Variants in RRP1B observed in about 807,000 individuals in gnomAD.
RRP1B encodes ribosomal RNA processing protein 1 homolog B.
In RRP1B, 56 loss-of-function variants were observed where a neutral mutation model predicts 80.2. The ratio of observed to expected loss-of-function variants is 0.70; its 90% CI spans 0.56 to 0.87. The LOEUF is 0.87. Among genes scored for constraint, RRP1B ranks in the 40% least tolerant of loss-of-function variants. RRP1B has a pLI of 0.00. For missense variants in RRP1B, 807 were observed against 939.8 expected (o/e 0.86, Z 1.85); for synonymous variants, 351 against 357.6 (o/e 0.98, Z 0.21).
rs886728506 is a variant in RRP1B at position 43,694,690 on chromosome 21, C to G, written c.*1307C>G. The G allele has an allele frequency of 1.3e-5, 2 of 152,372 alleles. No individual in the cohort carries two copies. The highest frequency in any genetic ancestry group is 4.8e-5 in the African/African-American group (2 of 41,466). The allele number at this position is 152,372 out of a possible 1,614,324, so 9.4% of individuals were successfully genotyped here. On this transcript the variant is annotated 3_prime_UTR_variant, in exon 16 of 16. Coordinates refer to ENST00000340648, the MANE Select transcript of RRP1B (RefSeq NM_015056.3). ...AGCCGCCTCCTTCCCGTTATGCCCC[C>G]CATACAGGAGCCTCGGTTTTTCAGC...
intron 8 of RRP1B, among the ~76,000 whole-genome samples, chr21:43,682,682 C>A (rs1379117771): frequency 6.6e-6 from 1 of 152,228 alleles, no homozygotes; most frequent in Admixed American, 6.5e-5. Context: ...TGCACCGCAG[C>A]CTTCGTCCTA....
At position 43,691,731 on chromosome 21, in the gene RRP1B, C is replaced by G. The variant is rs1293248293; in HGVS notation, c.2083+229C>G. 6.6e-6 allele frequency among the ~76,000 whole-genome samples: 1 copy of G among 152,022 alleles called. No homozygotes were observed. The highest frequency in any genetic ancestry group is 1.5e-5 in the Non-Finnish European group (1 of 68,000). ...TTGGCTCACTGCAACCTCCGCCCCC[C>G]CAGGTTCAAGCGATTCTCCTGCCTC... On this transcript the variant is annotated intron_variant, in intron 15 of 15. Transcript: ENST00000340648. The surrounding 1 kb of genome is among the most constrained non-coding windows in gnomAD (Gnocchi z 4.2).
At chr21:43,679,430 A>G (rs12329926) in intron 8 of RRP1B, among the ~76,000 whole-genome samples, 14,160 of 151,764 alleles carry the variant, frequency 0.093, 2,203 homozygotes, top group African/African-American at 0.32. Context: ...CACCACGCCC[A>G]GCTAATATGT....
intron 8 of RRP1B, among the ~76,000 whole-genome samples, chr21:43,679,856 C>T (rs1229697817): frequency 1.3e-5 from 2 of 152,206 alleles, no homozygotes; most frequent in Non-Finnish European, 2.9e-5. Flanking sequence ...AGATCTTTCA[C>T]ATCCTTGGTT....
chr21:43,670,005 C>A (rs1466145695), intron 2 of RRP1B, 39 bp downstream of exon 2: 7 of 1,446,780 alleles, frequency 4.8e-6, no homozygotes, highest in Admixed American at 3.6e-5. Flanking sequence ...CGGGTTCTTG[C>A]TGTGGATGGA....
chr21:43,662,657 G>A (rs1044822492), intron 1 of RRP1B, among the ~76,000 whole-genome samples: 4 of 152,144 alleles, frequency 2.6e-5, no homozygotes, highest in Non-Finnish European at 5.9e-5. Context: ...ACAGTGTTGC[G>A]CTCTTGCTTT....
At chr21:43,668,733 G>T (rs2082988269) in intron 1 of RRP1B, among the ~76,000 whole-genome samples, 1 of 152,116 alleles carries the variant, frequency 6.6e-6, no homozygotes, top group Admixed American at 6.5e-5. Flanking sequence ...ATATTTGTTT[G>T]CATTCATCTA....
At position 43,676,923 on chromosome 21, in the gene RRP1B, A is replaced by G. The variant is rs779768409; in HGVS notation, c.796+9A>G. The G allele has an allele frequency of 1.9e-6, 3 of 1,613,286 alleles. No individual in the cohort carries two copies. Among genetic ancestry groups the G allele is most frequent in the Non-Finnish European group, 2.5e-6 (3 of 1,179,426 alleles). ...CAGTAAAAAGAAGACAGGTAGGAGGATGTTCTTGGTCAGTGTAGCTTTCTT... is the reference window on the plus strand; with the variant it reads ...CAGTAAAAAGAAGACAGGTAGGAGGGTGTTCTTGGTCAGTGTAGCTTTCTT... On this transcript the variant is annotated intron_variant, in intron 8 of 15. Coordinates refer to ENST00000340648, the MANE Select transcript of RRP1B (RefSeq NM_015056.3).
chr21:43,676,958 A>ATCC, intron 8 of RRP1B, 44 bp downstream of exon 8: 2 of 1,580,076 alleles, frequency 1.3e-6, no homozygotes, highest in South Asian at 2.3e-5. Flanking sequence ...TTCTGCTAAA[A>ATCC]TCCTCCTCAG....
Position 43,693,550 on chromosome 21 carries a change from G to T in RRP1B, c.*167G>T, listed in dbSNP as rs1218640922. 6 of 577,532 alleles carry T rather than the reference G, an allele frequency of 1.0e-5. No homozygotes were observed. Among genetic ancestry groups the T allele is most frequent in the Non-Finnish European group, 1.7e-5 (6 of 351,882 alleles). 35.8% of individuals were successfully genotyped at this position (577,532 alleles called of 1,614,324 possible). A position where few individuals can be genotyped will look rare whatever the true frequency, so the allele number is the denominator to read the frequency against. On this transcript the variant is annotated 3_prime_UTR_variant, in exon 16 of 16. Transcript: ENST00000340648. This position sits in a 1 kb window ranked among gnomAD's most constrained non-coding sequence, Gnocchi z 4.1. The stretch of plus-strand genomic sequence containing the variant: ...GCTGCGTCCTGGCCCCTCTGTAGTG[G>T]CTGCGGGCGTCTTGGTTGAATCTTT...
At chr21:43,666,123 C>T (rs190140178) in intron 1 of RRP1B, among the ~76,000 whole-genome samples, 81 of 152,308 alleles carry the variant, frequency 5.3e-4, no homozygotes, top group Non-Finnish European at 7.9e-4. Flanking sequence ...CGTGGAGAGG[C>T]GGCGGCTTCT....
At chr21:43,682,165 A>G (rs1171298189) in intron 8 of RRP1B, among the ~76,000 whole-genome samples, 1 of 151,876 alleles carries the variant, frequency 6.6e-6, no homozygotes, top group Non-Finnish European at 1.5e-5. Flanking sequence ...AGAGTTGACT[A>G]AGGACCTGGA....
chr21:43,667,062 T>C (rs1227274748), intron 1 of RRP1B, among the ~76,000 whole-genome samples: 1 of 152,170 alleles, frequency 6.6e-6, no homozygotes, highest in East Asian at 1.9e-4. Flanking sequence ...TGACACTTAC[T>C]TTTGTAAGAA....
intron 1 of RRP1B, among the ~76,000 whole-genome samples, chr21:43,662,709 C>T (rs967082595): frequency 2.0e-5 from 3 of 152,240 alleles, no homozygotes; most frequent in Non-Finnish European, 4.4e-5. Flanking sequence ...AATGATCACT[C>T]TCCATGGCTT....
chr21:43,691,641 T>TAGGGCAGAGAGCGACTTTGTGAAG lies in RRP1B; in HGVS notation c.2083+139_2083+140insAGGGCAGAGAGCGACTTTGTGAAG. On this transcript the variant is annotated intron_variant, in intron 15 of 15. Transcript: ENST00000340648. This position sits in a 1 kb window ranked among gnomAD's most constrained non-coding sequence, Gnocchi z 4.2. ...ACTGCCCATTTCTTTATTTTTATTT[T>TAGGGCAGAGAGCGACTTTGTGAAG]TTTTTTTTTTTTGAGACAGAGTCTC... 1.7e-6 allele frequency: 1 copy of TAGGGCAGAGAGCGACTTTGTGAAG among 575,002 alleles called. No homozygotes were observed. 35.6% of individuals were successfully genotyped at this position (575,002 alleles called of 1,614,324 possible).
intron 6 of RRP1B, 33 bp from the exon 7 acceptor site, chr21:43,676,239 C>CT: frequency 2.0e-6 from 3 of 1,505,328 alleles, no homozygotes; most frequent in Non-Finnish European, 2.8e-6. Flanking sequence ...GGGAAAGGCT[C>CT]TTTCTCAATT....
chr21:43,666,152 C>A (rs2082977360), intron 1 of RRP1B, among the ~76,000 whole-genome samples: 1 of 152,218 alleles, frequency 6.6e-6, no homozygotes. Flanking sequence ...AGCAGAATTC[C>A]CTTGGCCACA....
At position 43,693,500 on chromosome 21, in the gene RRP1B, G is replaced by A. The variant is rs2083095280; in HGVS notation, c.*117G>A. The A allele has an allele frequency of 6.8e-6, 7 of 1,035,634 alleles. No individual in the cohort carries two copies. The highest frequency in any genetic ancestry group is 9.3e-6 in the Non-Finnish European group (7 of 750,566). The allele number at this position is 1,035,634 out of a possible 1,614,324, so 64.2% of individuals were successfully genotyped here. ...GTAAGTTCCCATAAGTTGTGTGCAC[G>A]AGGTTCTGAGAGTGCCCGCAGGCTG... On this transcript the variant is annotated 3_prime_UTR_variant, in exon 16 of 16. Coordinates refer to ENST00000340648, the MANE Select transcript of RRP1B (RefSeq NM_015056.3). This position sits in a 1 kb window ranked among gnomAD's most constrained non-coding sequence, Gnocchi z 4.1.
intron 8 of RRP1B, among the ~76,000 whole-genome samples, chr21:43,680,543 G>A (rs1044283342): frequency 9.9e-5 from 15 of 151,350 alleles, no homozygotes; most frequent in African/African-American, 2.4e-4. Context: ...CAGCCTGGGC[G>A]ACAGAGGGAG....
Sources: gnomAD v4.1 joint callset for allele counts (sites outside exome capture counted in the v4.1 genomes callset) on GRCh38, gnomAD v4.1.1 for gene constraint, Gnocchi (gnomAD v3.1) non-coding constraint, MANE v1.5 for transcripts, NCBI Gene and HGNC (gene_info 2026-07-23, HGNC 2026-07-21) for gene names.